The following SYNPO2 variants were observed in gnomAD, a reference collection of about 807,000 sequenced individuals.
SYNPO2 encodes the protein synaptopodin 2.
A neutral mutation model predicts 85.0 loss-of-function variants in SYNPO2; 56 were observed. The ratio of observed to expected loss-of-function variants is 0.66; its 90% CI spans 0.53 to 0.82. The LOEUF (loss-of-function observed/expected upper bound fraction) is 0.82. Ranked by LOEUF, SYNPO2 falls within the 40% of genes least tolerant of loss-of-function variation. The pLI, the probability that SYNPO2 is intolerant of heterozygous loss-of-function variation, is 0.00. For missense variants in SYNPO2, 1,575 were observed against 1,534.2 expected, an observed-to-expected ratio of 1.03 and a Z score of -0.44; for synonymous variants, 602 against 591.1, an observed-to-expected ratio of 1.02 and a Z score of -0.27.
At chr4:119,049,292 G>T (rs1431125804) in intron 4 of SYNPO2, among the ~76,000 whole-genome samples, 2 of 152,188 alleles carry the variant, frequency 1.3e-5, no homozygotes, top group Admixed American at 6.5e-5. Flanking sequence ...AAAGGCAAAA[G>T]AAATACTTTT....
At chr4:118,983,920 C>T (rs1002756270) in intron 1 of SYNPO2, among the ~76,000 whole-genome samples, 1 of 152,194 alleles carries the variant, frequency 6.6e-6, no homozygotes, top group South Asian at 2.1e-4. Flanking sequence ...CCCTCCTTAC[C>T]TTTCCTCAAC....
Position 119,005,447 on chromosome 4 carries a change from G to T in SYNPO2, c.106-17983G>T, listed in dbSNP as rs1736999230. 2.0e-5 allele frequency among the ~76,000 whole-genome samples: 3 copies of T among 149,058 alleles called. No homozygotes were observed. The South Asian group carries it at 6.9e-4, about 34-fold the overall frequency. Reference sequence around the variant, plus strand: ...ATCCAGTTTCAGCTTTCTACATATGGCTAGCCAGTTTTCCCAGCACCATTT... The same window carrying T: ...ATCCAGTTTCAGCTTTCTACATATGTCTAGCCAGTTTTCCCAGCACCATTT... On this transcript the variant is annotated intron_variant, in intron 1 of 4. Coordinates refer to ENST00000307142, the MANE Select transcript of SYNPO2 (RefSeq NM_133477.3).
At chr4:118,955,688 A>C (rs966547750) in intron 1 of SYNPO2, among the ~76,000 whole-genome samples, 1 of 152,220 alleles carries the variant, frequency 6.6e-6, no homozygotes, top group Non-Finnish European at 1.5e-5. Flanking sequence ...TCAAGTAGAG[A>C]AAGCAGATAT....
At chr4:119,035,248 ATGT>A (rs1356713299) in intron 4 of SYNPO2, 7 of 985,284 alleles carry the variant, frequency 7.1e-6, no homozygotes, top group Non-Finnish European at 8.4e-6. Context: ...CCTGACGGGA[ATGT>A]TGTGCTATAA....
At chr4:118,907,357 A>G (rs114116843) in intron 1 of SYNPO2, among the ~76,000 whole-genome samples, 2,350 of 152,312 alleles carry the variant, frequency 0.015, 29 homozygotes, top group Non-Finnish European at 0.021. Context: ...CAAAGAAACA[A>G]CTGATACAGA....
At chr4:118,966,038 C>T (rs949947985) in intron 1 of SYNPO2, among the ~76,000 whole-genome samples, 17 of 151,902 alleles carry the variant, frequency 1.1e-4, no homozygotes, top group African/African-American at 3.1e-4. Flanking sequence ...CTGGGTGACA[C>T]GGTGAGACCC....
chr4:118,876,724 TCTTTCTTTCTTTCTGC>T (rs1553934688), intron 1 of SYNPO2, among the ~76,000 whole-genome samples: 1 of 124,018 alleles, frequency 8.1e-6, no homozygotes, highest in African/African-American at 3.1e-5. Context: ...TTTCTTTCTT[TCTTTCTTTCTTTCTGC>T]CTTTCTCTGT....
intron 1 of SYNPO2, among the ~76,000 whole-genome samples, chr4:119,013,203 T>C (rs1192097608): frequency 6.6e-6 from 1 of 152,222 alleles, no homozygotes; most frequent in Non-Finnish European, 1.5e-5. Context: ...GACACAAATG[T>C]ACCAGGGGCC....
intron 1 of SYNPO2, among the ~76,000 whole-genome samples, chr4:118,864,543 A>G (rs1731669562): frequency 6.6e-6 from 1 of 152,160 alleles, no homozygotes; most frequent in African/African-American, 2.4e-5. Context: ...AGGGTGTTGA[A>G]GTCTCCAGCT....
intron 1 of SYNPO2, chr4:119,005,895 A>C (rs1737015317): frequency 6.6e-6 from 1 of 152,228 alleles, no homozygotes. Flanking sequence ...GGAACATTAA[A>C]ATCCAGTTGG....
rs1456128978 is a variant in SYNPO2, at chr4:119,026,698, GGGGTTAT to G, written c.331_337del (p.Gly111TrpfsTer30). On this transcript the variant is annotated frameshift_variant, in exon 3 of 5. Transcript: ENST00000307142. LOFTEE classifies it high-confidence loss of function. ...AAAAACCTCGAGCATCTCACACATG[GGGGTTAT>G]GTGGAAAGTACCACCCTGCAGATTC... 1.9e-6 allele frequency: 3 copies of G among 1,613,972 alleles called. No individual in the cohort carries two copies. The African/African-American group carries it at 4.0e-5, about 22-fold the overall frequency.
At chr4:118,879,373 A>C (rs1022645863) in intron 1 of SYNPO2, among the ~76,000 whole-genome samples, 6 of 152,134 alleles carry the variant, frequency 3.9e-5, no homozygotes, top group Non-Finnish European at 7.3e-5. Flanking sequence ...CATATGTTGA[A>C]TCCTAAATCC....
intron 3 of SYNPO2, among the ~76,000 whole-genome samples, chr4:119,028,221 T>TG (rs1738058067): frequency 9.1e-6 from 1 of 109,586 alleles, no homozygotes; most frequent in African/African-American, 3.4e-5. Flanking sequence ...TATTTTTGTT[T>TG]GTTTTTTTTT....
intron 1 of SYNPO2, among the ~76,000 whole-genome samples, chr4:119,007,022 C>A (rs1369838879): frequency 1.3e-5 from 2 of 150,572 alleles, no homozygotes; most frequent in African/African-American, 4.9e-5. Flanking sequence ...GGGTTATGGA[C>A]ATCACATTAG....
chr4:118,996,252 G>A (rs1391065636), intron 1 of SYNPO2, among the ~76,000 whole-genome samples: 1 of 152,136 alleles, frequency 6.6e-6, no homozygotes, highest in East Asian at 1.9e-4. Context: ...TCTGGTTGCA[G>A]TGACTGAAGT....
At chr4:118,972,826 A>G (rs6534116) in intron 1 of SYNPO2, among the ~76,000 whole-genome samples, 109,570 of 152,096 alleles carry the variant, frequency 0.72, 39,817 homozygotes, top group Middle Eastern at 0.83. Flanking sequence ...TCACATAGTG[A>G]GTGCTTAATA....
At chr4:118,966,386 A>G (rs564986063) in intron 1 of SYNPO2, among the ~76,000 whole-genome samples, 1 of 152,234 alleles carries the variant, frequency 6.6e-6, no homozygotes, top group South Asian at 2.1e-4. Context: ...CTGGGTAGAG[A>G]CGATAGATAG....
chr4:118,858,238 C>T (rs1366390350), intron 1 of SYNPO2, among the ~76,000 whole-genome samples: 1 of 151,638 alleles, frequency 6.6e-6, no homozygotes, highest in Non-Finnish European at 1.5e-5. Context: ...TCCACCTCCC[C>T]ACTTCCTTGC....
intron 1 of SYNPO2, among the ~76,000 whole-genome samples, chr4:118,946,574 A>T (rs1177580413): frequency 6.6e-6 from 1 of 152,178 alleles, no homozygotes; most frequent in East Asian, 1.9e-4. Context: ...AGCCCTACAC[A>T]TCGTTCGCTC....
Sources: allele counts gnomAD v4.1 joint callset (sites outside exome capture counted in the v4.1 genomes callset), GRCh38; gene constraint gnomAD v4.1.1; transcripts MANE v1.5; gene names NCBI Gene and HGNC (gene_info 2026-07-23, HGNC 2026-07-21).